Variants in ETFA observed in about 807,000 individuals in gnomAD.
ETFA encodes electron transfer flavoprotein subunit alpha, mitochondrial.
A neutral mutation model predicts 46.2 loss-of-function variants in ETFA; 22 were observed. The ratio of observed to expected loss-of-function variants is 0.48; its 90% CI spans 0.34 to 0.68. ETFA has a LOEUF of 0.68. Among genes scored for constraint, ETFA ranks in the 30% least tolerant of loss-of-function variants. The pLI, the probability that ETFA is intolerant of heterozygous loss-of-function variation, is 0.01. For synonymous variants in ETFA, 131 were observed against 139.9 expected (o/e 0.94, Z 0.45); for missense variants, 345 against 401.1 (o/e 0.86, Z 1.19).
intron 9 of ETFA, chr15:76,261,542 G>T: frequency 1.6e-6 from 1 of 628,414 alleles, no homozygotes; most frequent in South Asian, 2.0e-5. Context: ...GACACTGTCA[G>T]CTTTGCCGGG....
intron 9 of ETFA, chr15:76,260,959 C>G: frequency 6.2e-7 from 1 of 1,610,956 alleles, no homozygotes; most frequent in Non-Finnish European, 8.5e-7. Flanking sequence ...GCTCGGCCAT[C>G]AGCACCTGGC....
intron 9 of ETFA, among the ~76,000 whole-genome samples, chr15:76,244,066 G>A (rs1167535672): frequency 6.6e-6 from 1 of 151,972 alleles, no homozygotes; most frequent in African/African-American, 2.4e-5. Flanking sequence ...TGTATTTTTA[G>A]GAGAAATGGA....
intron 1 of ETFA, among the ~76,000 whole-genome samples, chr15:76,306,655 T>C (rs2039943366): frequency 6.6e-6 from 1 of 152,294 alleles, no homozygotes; most frequent in South Asian, 2.1e-4. Context: ...ATATATAAAG[T>C]CACCTATCCC....
chr15:76,233,735 A>G (rs1423823575), intron 9 of ETFA, among the ~76,000 whole-genome samples: 1 of 152,210 alleles, frequency 6.6e-6, no homozygotes, highest in Non-Finnish European at 1.5e-5. Context: ...TCATATTCAG[A>G]AAAACCCGGC....
At chr15:76,273,175 AG>A (rs2039556249) in intron 9 of ETFA, among the ~76,000 whole-genome samples, 1 of 152,170 alleles carries the variant, frequency 6.6e-6, no homozygotes, top group Non-Finnish European at 1.5e-5. Flanking sequence ...ATTTGTATGT[AG>A]GTTATATAAA....
At chr15:76,261,481 G>C (rs2039412607) in intron 9 of ETFA, 2 of 847,278 alleles carry the variant, frequency 2.4e-6, no homozygotes, top group Non-Finnish European at 3.8e-6. Flanking sequence ...CTGGATGTCA[G>C]GCTCCTCCAT....
chr15:76,301,894 C>T (rs1335793833), intron 1 of ETFA, among the ~76,000 whole-genome samples: 1 of 152,130 alleles, frequency 6.6e-6, no homozygotes, highest in East Asian at 1.9e-4. Context: ...AGGATCTGAA[C>T]AGGTACCTCA....
chr15:76,279,144 C>T (rs2039623893), intron 8 of ETFA, among the ~76,000 whole-genome samples: 2 of 152,176 alleles, frequency 1.3e-5, no homozygotes, highest in South Asian at 4.1e-4. Context: ...TCACTGTCTC[C>T]AACTCCAGCC....
At chr15:76,223,806 G>A (rs1335355923) in intron 11 of ETFA, among the ~76,000 whole-genome samples, 6 of 152,162 alleles carry the variant, frequency 3.9e-5, no homozygotes, top group African/African-American at 1.4e-4. Flanking sequence ...TGCCCTTAAT[G>A]CAGGAGCACA....
intron 11 of ETFA, among the ~76,000 whole-genome samples, chr15:76,221,304 TG>T (rs1163004910): frequency 1.1e-4 from 16 of 152,184 alleles, no homozygotes; most frequent in African/African-American, 3.9e-4. Flanking sequence ...AGTAGATTAG[TG>T]GTTGCCAGGA....
chr15:76,272,639 T>C (rs1314794660), intron 9 of ETFA, among the ~76,000 whole-genome samples: 1 of 152,018 alleles, frequency 6.6e-6, no homozygotes, highest in Non-Finnish European at 1.5e-5. Context: ...ATAATGTGTG[T>C]GCCAGTCAGG....
intron 9 of ETFA, chr15:76,260,042 G>T (rs760582996): frequency 0.21 from 292,614 of 1,413,548 alleles, 1,662 homozygotes; most frequent in Non-Finnish European, 0.24. Flanking sequence ...GAGGCAATGA[G>T]ATCAGCTTTC....
chr15:76,217,409 T>C (rs1490430645), intron 11 of ETFA, among the ~76,000 whole-genome samples: 1 of 152,244 alleles, frequency 6.6e-6, no homozygotes, highest in Non-Finnish European at 1.5e-5. Context: ...AGCAGCATGC[T>C]ACTATCATCT....
At chr15:76,255,760 GA>G (rs1269517189) in intron 9 of ETFA, among the ~76,000 whole-genome samples, 5 of 152,112 alleles carry the variant, frequency 3.3e-5, no homozygotes, top group African/African-American at 1.2e-4. Context: ...TAGCTTTTTG[GA>G]ATCCCATGGT....
intron 10 of ETFA, among the ~76,000 whole-genome samples, chr15:76,226,780 G>A (rs1234300999): frequency 1.3e-5 from 2 of 152,184 alleles, no homozygotes; most frequent in Non-Finnish European, 2.9e-5. Flanking sequence ...TCGGGAGGCT[G>A]AGGCAGGAGA....
At chr15:76,268,911 C>T (rs1282199126) in intron 9 of ETFA, among the ~76,000 whole-genome samples, 1 of 152,192 alleles carries the variant, frequency 6.6e-6, no homozygotes, top group Non-Finnish European at 1.5e-5. Context: ...TAAATGCCAT[C>T]TGGAGGGCAG....
At chr15:76,223,547 T>A (rs1306007731) in intron 11 of ETFA, among the ~76,000 whole-genome samples, 2 of 152,160 alleles carry the variant, frequency 1.3e-5, no homozygotes, top group African/African-American at 4.8e-5. Context: ...TTCTAAGCTG[T>A]AGGAGATAGT....
rs2038888106 is a variant in ETFA, at chr15:76,215,389, G to A, written c.*1170C>T. 1 of 152,166 alleles carries A rather than the reference G, an allele frequency of 6.6e-6. No homozygotes were observed. Among genetic ancestry groups the A allele is most frequent in the African/African-American group, 2.4e-5 (1 of 41,422 alleles). The allele number at this position is 152,166 out of a possible 1,614,324, so 9.4% of individuals were successfully genotyped here. A position where few individuals can be genotyped will look rare whatever the true frequency, so the allele number is the denominator to read the frequency against. On this transcript the variant is annotated 3_prime_UTR_variant, in exon 12 of 12. Transcript: ENST00000557943. The stretch of plus-strand genomic sequence containing the variant: ...AAAGTGTTTTATAGCAACTGATTGT[G>A]ACACAAATCAGAAAGGGTTCACTAG...
chr15:76,236,655 C>G (rs1217851577), intron 9 of ETFA, among the ~76,000 whole-genome samples: 2 of 152,138 alleles, frequency 1.3e-5, no homozygotes, highest in African/African-American at 4.8e-5. Flanking sequence ...TGTGGCAGAG[C>G]TGAAGATTAG....
Sources: gnomAD v4.1 joint callset for allele counts (sites outside exome capture counted in the v4.1 genomes callset) on GRCh38, gnomAD v4.1.1 for gene constraint, MANE v1.5 for transcripts, NCBI Gene and HGNC (gene_info 2026-07-23, HGNC 2026-07-21) for gene names.